The following MATCAP2 variants were observed in gnomAD, a reference collection of about 807,000 sequenced individuals.
The protein encoded by MATCAP2 is microtubule associated tyrosine carboxypeptidase 2.
At chr7:36,338,718 G>A in the MATCAP2 span, among the ~76,000 whole-genome samples, 4 of 152,156 alleles carry the variant, frequency 2.6e-5, no homozygotes, top group Non-Finnish European at 4.4e-5. Context: ...AAAATGCTAG[G>A]ATTATACATT....
chr7:36,357,154 C>G, the MATCAP2 span: 1 of 1,614,172 alleles, frequency 6.2e-7, no homozygotes, highest in Non-Finnish European at 8.5e-7. Flanking sequence ...ACCACTTGAC[C>G]TTGCTTTTGG....
At chr7:36,378,150 C>A in the MATCAP2 span, among the ~76,000 whole-genome samples, 1 of 152,146 alleles carries the variant, frequency 6.6e-6, no homozygotes, top group Non-Finnish European at 1.5e-5. Flanking sequence ...CCGTTGCTGG[C>A]GAGGAGCTGT....
the MATCAP2 span, among the ~76,000 whole-genome samples, chr7:36,329,498 C>G: frequency 6.6e-6 from 1 of 152,170 alleles, no homozygotes; most frequent in African/African-American, 2.4e-5. Flanking sequence ...AGAGAAATGG[C>G]TGATCTGAGA....
the MATCAP2 span, among the ~76,000 whole-genome samples, chr7:36,354,213 G>A: frequency 1.3e-5 from 2 of 152,214 alleles, no homozygotes; most frequent in Non-Finnish European, 2.9e-5. Context: ...GCAGCCTGCT[G>A]TATGTCCTGT....
the MATCAP2 span, among the ~76,000 whole-genome samples, chr7:36,373,243 A>G: frequency 6.6e-6 from 1 of 152,314 alleles, no homozygotes; most frequent in African/African-American, 2.4e-5. Flanking sequence ...GAAAAAAACA[A>G]CAACCAAGTT....
the MATCAP2 span, among the ~76,000 whole-genome samples, chr7:36,352,825 CAAA>C: frequency 4.8e-5 from 5 of 104,282 alleles, no homozygotes; most frequent in Non-Finnish European, 8.2e-5. Context: ...ACTCCCATCT[CAAA>C]AAAAAAAAAA....
At chr7:36,357,537 C>T in the MATCAP2 span, 2 of 1,614,062 alleles carry the variant, frequency 1.2e-6, no homozygotes, top group Non-Finnish European at 8.5e-7. Flanking sequence ...AATGAATCTT[C>T]TGCATTTAGA....
the MATCAP2 span, among the ~76,000 whole-genome samples, chr7:36,353,258 G>A: frequency 0.97 from 147,282 of 152,228 alleles, 71,442 homozygotes; most frequent in East Asian, 1. Flanking sequence ...CAGCCTGGGC[G>A]ACAGAGCAAG....
At chr7:36,365,694 G>A in the MATCAP2 span, among the ~76,000 whole-genome samples, 2 of 152,196 alleles carry the variant, frequency 1.3e-5, no homozygotes, top group South Asian at 2.1e-4. Context: ...GCGAGACTCC[G>A]TCTCAAAAAC....
the MATCAP2 span, among the ~76,000 whole-genome samples, chr7:36,381,372 T>A: frequency 6.6e-6 from 1 of 152,014 alleles, no homozygotes; most frequent in Admixed American, 6.6e-5. Flanking sequence ...AATGTTAAGG[T>A]CAGAGTATAG....
At chr7:36,352,651 G>A in the MATCAP2 span, among the ~76,000 whole-genome samples, 1 of 151,726 alleles carries the variant, frequency 6.6e-6, no homozygotes, top group Non-Finnish European at 1.5e-5. Flanking sequence ...AACAGATGAG[G>A]TGAAATGTCG....
At chr7:36,377,723 C>A in the MATCAP2 span, among the ~76,000 whole-genome samples, 1 of 152,202 alleles carries the variant, frequency 6.6e-6, no homozygotes, top group Non-Finnish European at 1.5e-5. Context: ...TTCTCCGCAT[C>A]ACTTTCAGGT....
At chr7:36,330,306 A>G in the MATCAP2 span, among the ~76,000 whole-genome samples, 1 of 151,916 alleles carries the variant, frequency 6.6e-6, no homozygotes, top group African/African-American at 2.4e-5. Flanking sequence ...GGCTGCTCTC[A>G]AACTCCTGGC....
the MATCAP2 span, among the ~76,000 whole-genome samples, chr7:36,347,705 G>T: frequency 6.6e-6 from 1 of 152,132 alleles, no homozygotes; most frequent in Non-Finnish European, 1.5e-5. Context: ...AGATCACTGG[G>T]TTTTAATTTC....
the MATCAP2 span, among the ~76,000 whole-genome samples, chr7:36,328,774 G>A: frequency 2.6e-4 from 40 of 151,112 alleles, no homozygotes; most frequent in African/African-American, 5.8e-4. Context: ...AGCCGGGAGC[G>A]GTGGCTCACG....
chr7:36,379,938 G>A, the MATCAP2 span, among the ~76,000 whole-genome samples: 1 of 151,562 alleles, frequency 6.6e-6, no homozygotes, highest in Non-Finnish European at 1.5e-5. Flanking sequence ...CTGGAATCCA[G>A]GAATCTTTGT....
chr7:36,377,216 C>T, the MATCAP2 span, among the ~76,000 whole-genome samples: 6 of 152,274 alleles, frequency 3.9e-5, no homozygotes, highest in East Asian at 9.6e-4. Flanking sequence ...TACAATTTGG[C>T]ATGTTTTTGC....
At chr7:36,343,215 G>A in the MATCAP2 span, among the ~76,000 whole-genome samples, 1 of 148,746 alleles carries the variant, frequency 6.7e-6, no homozygotes, top group Non-Finnish European at 1.5e-5. Flanking sequence ...TTTCTTAGAA[G>A]CCAGGCATGA....
At chr7:36,363,071 G>A in the MATCAP2 span, among the ~76,000 whole-genome samples, 61,915 of 151,954 alleles carry the variant, frequency 0.41, 13,119 homozygotes, top group African/African-American at 0.49. Context: ...GGAAAGAAAG[G>A]GTAAAAGACT....
Sources: allele counts gnomAD v4.1 joint callset (sites outside exome capture counted in the v4.1 genomes callset), GRCh38; gene constraint gnomAD v4.1.1; transcripts MANE v1.5; gene names NCBI Gene and HGNC (gene_info 2026-07-23, HGNC 2026-07-21).